Variants in MACROD2 observed in about 807,000 individuals in gnomAD.
The protein encoded by MACROD2 is mono-ADP ribosylhydrolase 2.
Under a neutral mutation model 70.4 loss-of-function variants are expected in MACROD2, and 36 were observed. The ratio of observed to expected loss-of-function variants is 0.51; its 90% CI spans 0.39 to 0.68. The LOEUF is 0.68. Among genes scored for constraint, MACROD2 ranks in the 30% least tolerant of loss-of-function variants. The pLI is 0.00. For missense variants in MACROD2, 496 were observed against 538.4 expected (o/e 0.92, Z 0.78); for synonymous variants, 172 against 178.8 (o/e 0.96, Z 0.30).
At chr20:14,299,881 G>A (rs761251764) in intron 3 of MACROD2, among the ~76,000 whole-genome samples, 5 of 152,096 alleles carry the variant, frequency 3.3e-5, no homozygotes, top group Non-Finnish European at 7.4e-5. Flanking sequence ...AGTTAATTGA[G>A]ATTCTCGTAT....
intron 3 of MACROD2, among the ~76,000 whole-genome samples, chr20:14,086,019 A>G (rs907994649): frequency 6.6e-6 from 1 of 152,216 alleles, no homozygotes; most frequent in Non-Finnish European, 1.5e-5. Flanking sequence ...AACTTTAGCA[A>G]GTATATTATT....
At chr20:14,900,351 G>C (rs990924411) in intron 5 of MACROD2, among the ~76,000 whole-genome samples, 2 of 151,918 alleles carry the variant, frequency 1.3e-5, no homozygotes, top group African/African-American at 4.8e-5. Context: ...GTGTTTCTTC[G>C]TACTCTTTAT....
chr20:15,846,911 TTATATATATATATATA>T lies in MACROD2; in HGVS notation c.646-15808_646-15793del, dbSNP rs33993940. On this transcript the variant is annotated intron_variant, in intron 8 of 17. Coordinates refer to ENST00000684519, the MANE Select transcript of MACROD2 (RefSeq NM_001351661.2). Reference sequence around the variant, plus strand: ...GACCTTGACATAGTCAAAAAAAAAATTATATATATATATATATATATATATATATATATATATATAT... The same window carrying T: ...GACCTTGACATAGTCAAAAAAAAAATTATATATATATATATATATATATAT... Among the ~76,000 whole-genome samples, 42 of 138,182 alleles carry T rather than the reference TTATATATATATATATA, an allele frequency of 3.0e-4. 2 individuals carry two copies. Among genetic ancestry groups the T allele is most frequent in the East Asian group, 1.9e-3 (8 of 4,108 alleles). 90.7% of individuals were successfully genotyped at this position (138,182 alleles called of 152,430 possible). A position where few individuals can be genotyped will look rare whatever the true frequency, so the allele number is the denominator to read the frequency against.
At chr20:15,706,149 C>T (rs1286638916) in intron 8 of MACROD2, among the ~76,000 whole-genome samples, 2 of 152,176 alleles carry the variant, frequency 1.3e-5, no homozygotes, top group Non-Finnish European at 2.9e-5. Context: ...GGATACTTAT[C>T]TCGTTTACTC....
At chr20:14,301,182 T>C (rs1216708706) in intron 3 of MACROD2, among the ~76,000 whole-genome samples, 1 of 152,206 alleles carries the variant, frequency 6.6e-6, no homozygotes, top group Non-Finnish European at 1.5e-5. Context: ...TCAGGAAGGC[T>C]AATTCTAGAA....
intron 5 of MACROD2, among the ~76,000 whole-genome samples, chr20:15,045,728 T>TTG (rs1291964278): frequency 1.7e-3 from 247 of 144,852 alleles, no homozygotes; most frequent in African/African-American, 5.9e-3. Context: ...GGTTTTTTTT[T>TTG]TTTTTTTTTT....
intron 8 of MACROD2, among the ~76,000 whole-genome samples, chr20:15,555,828 C>CAAAAAAAAAAAAAAAAA (rs397838341): frequency 1.4e-3 from 25 of 18,484 alleles, no homozygotes; most frequent in Non-Finnish European, 2.1e-3. Context: ...GACTCCATCT[C>CAAAAAAAAAAAAAAAAA]AAAAAAAAAA....
rs537364372 is a variant in MACROD2 at position 14,922,883 on chromosome 20, C to T, written c.418+237924C>T. Among the ~76,000 whole-genome samples, 4 of 152,206 alleles carry T rather than the reference C, an allele frequency of 2.6e-5. No individual in the cohort carries two copies. The East Asian group carries it at 7.7e-4, about 29-fold the overall frequency. On this transcript the variant is annotated intron_variant, in intron 5 of 17. Coordinates refer to ENST00000684519, the MANE Select transcript of MACROD2 (RefSeq NM_001351661.2). ...GCATTTTGAGCATATGGTTCAGGAA[C>T]ATTATTTTAAAATGTGAATTATCAA...
chr20:14,210,664 T>G (rs888527489), intron 3 of MACROD2, among the ~76,000 whole-genome samples: 3 of 152,216 alleles, frequency 2.0e-5, no homozygotes, highest in African/African-American at 7.2e-5. Context: ...AAACATAAGG[T>G]TATTCACATT....
chr20:14,313,494 T>C (rs559683667), intron 3 of MACROD2, among the ~76,000 whole-genome samples: 1 of 151,714 alleles, frequency 6.6e-6, no homozygotes, highest in South Asian at 2.1e-4. Context: ...ATGGCATCTA[T>C]GGTTACCTCT....
intron 3 of MACROD2, among the ~76,000 whole-genome samples, chr20:14,419,029 C>G (rs2083843605): frequency 6.6e-6 from 1 of 151,972 alleles, no homozygotes; most frequent in Non-Finnish European, 1.5e-5. Context: ...TCTTACTACT[C>G]AAGACAGTCT....
At chr20:14,544,206 G>T (rs550520656) in intron 4 of MACROD2, among the ~76,000 whole-genome samples, 1 of 150,078 alleles carries the variant, frequency 6.7e-6, no homozygotes, top group Admixed American at 6.7e-5. Context: ...TTATTATTAA[G>T]TAGCTGAAAT....
intron 5 of MACROD2, among the ~76,000 whole-genome samples, chr20:14,962,103 G>A (rs1028656382): frequency 4.6e-5 from 7 of 152,058 alleles, no homozygotes; most frequent in Admixed American, 1.3e-4. Context: ...TTGGCCTCCC[G>A]AGTAGCCAGG....
intron 6 of MACROD2, among the ~76,000 whole-genome samples, chr20:15,373,599 C>T (rs1433210553): frequency 1.3e-5 from 2 of 152,040 alleles, no homozygotes; most frequent in Non-Finnish European, 2.9e-5. Flanking sequence ...AATGGGGTCT[C>T]ACTTTGTTGC....
At chr20:15,114,860 G>A (rs1311934703) in intron 5 of MACROD2, among the ~76,000 whole-genome samples, 1 of 152,042 alleles carries the variant, frequency 6.6e-6, no homozygotes, top group African/African-American at 2.4e-5. Flanking sequence ...CCCCCAGTGA[G>A]GAGAAAAACA....
At chr20:15,511,292 T>G (rs530085039) in intron 8 of MACROD2, among the ~76,000 whole-genome samples, 1 of 152,346 alleles carries the variant, frequency 6.6e-6, no homozygotes, top group Admixed American at 6.5e-5. Flanking sequence ...ATAAGACATA[T>G]GAATTCTCTT....
chr20:14,377,116 T>C (rs2083379308), intron 3 of MACROD2, among the ~76,000 whole-genome samples: 1 of 152,150 alleles, frequency 6.6e-6, no homozygotes, highest in Non-Finnish European at 1.5e-5. Context: ...ACCTATATAA[T>C]GCAGCTGTAA....
intron 7 of MACROD2, among the ~76,000 whole-genome samples, chr20:15,481,087 C>T (rs896805089): frequency 2.6e-5 from 4 of 152,188 alleles, no homozygotes; most frequent in South Asian, 4.1e-4. Context: ...AAGGACCACA[C>T]GTATTTAATA....
At chr20:15,494,776 T>TGTGC (rs368522802) in intron 7 of MACROD2, among the ~76,000 whole-genome samples, 3,284 of 131,898 alleles carry the variant, frequency 0.025, 146 homozygotes, top group African/African-American at 0.083. Flanking sequence ...CGTGTGTGTG[T>TGTGC]GCGCGCGTGT....
Sources: allele counts gnomAD v4.1 joint callset (sites outside exome capture counted in the v4.1 genomes callset), GRCh38; gene constraint gnomAD v4.1.1; transcripts MANE v1.5; gene names NCBI Gene and HGNC (gene_info 2026-07-23, HGNC 2026-07-21).